MTMR1: variants seen among roughly 807,000 people sequenced by gnomAD.
MTMR1 encodes the protein myotubularin related protein 1, also known as phosphatidylinositol-3-phosphate phosphatase MTMR1.
MTMR1 carries 17 observed loss-of-function variants against 51.6 expected under a neutral mutation model. The observed-to-expected ratio is 0.33, with a 90% CI of 0.23 to 0.49. MTMR1 has a LOEUF of 0.49. Among genes scored for constraint, MTMR1 ranks in the 20% least tolerant of loss-of-function variants. The probability of loss-of-function intolerance (pLI) is 0.99; values close to 1 mark genes in which losing one functional copy is unlikely to be tolerated. For synonymous variants in MTMR1, 201 were observed against 205.6 expected, an observed-to-expected ratio of 0.98 and a Z score of 0.19; for missense variants, 386 against 526.9, an observed-to-expected ratio of 0.73 and a Z score of 2.62.
chrX:150,702,987 C>T (rs1324359316), intron 2 of MTMR1, among the ~76,000 whole-genome samples: 1 of 112,019 alleles, frequency 8.9e-6, no homozygotes, highest in Non-Finnish European at 1.9e-5. Context: ...TTTTGCTTGT[C>T]CCCCCTCCAC....
chrX:150,757,661 G>A lies in MTMR1; in HGVS notation c.1857+1796G>A, dbSNP rs188041110. Among the ~76,000 whole-genome samples the A allele has an allele frequency of 3.6e-5, 4 of 111,865 alleles. No individual in the cohort carries two copies. In the South Asian group the frequency reaches 1.1e-3, roughly 31 times the overall value. ...AGCAGATCCCCCGTGTGAATGAGCC[G>A]CCCTTTGTGTCTTCACATGTATGAA... On this transcript the variant is annotated intron_variant, in intron 15 of 15. Coordinates refer to ENST00000445323, the MANE Select transcript of MTMR1 (RefSeq NM_001306144.3).
intron 12 of MTMR1, among the ~76,000 whole-genome samples, chrX:150,743,366 A>G (rs1295669150): frequency 9.0e-6 from 1 of 111,564 alleles, no homozygotes; most frequent in Admixed American, 9.5e-5. Flanking sequence ...GTGTCACTGC[A>G]CTCCAGCCTG....
intron 1 of MTMR1, among the ~76,000 whole-genome samples, chrX:150,693,961 C>A (rs1557415656): frequency 8.9e-6 from 1 of 111,810 alleles, no homozygotes; most frequent in African/African-American, 3.3e-5. Flanking sequence ...AGCTGTCAAA[C>A]CACTTCCGGC....
intron 12 of MTMR1, among the ~76,000 whole-genome samples, chrX:150,740,718 C>A (rs782117421): frequency 6.3e-5 from 7 of 111,246 alleles, no homozygotes; most frequent in Non-Finnish European, 1.3e-4. Context: ...ATTTGGCTCA[C>A]GATTCTGCAG....
At chrX:150,707,418 G>A (rs1054395782) in intron 2 of MTMR1, among the ~76,000 whole-genome samples, 18 of 112,281 alleles carry the variant, frequency 1.6e-4, no homozygotes, top group Non-Finnish European at 3.0e-4. Context: ...ATTAGAAAAT[G>A]AGCAAAAAAC....
intron 1 of MTMR1, among the ~76,000 whole-genome samples, chrX:150,694,569 C>G (rs971163337): frequency 4.5e-5 from 5 of 112,217 alleles, no homozygotes; most frequent in African/African-American, 1.6e-4. Context: ...TCCCATTGTG[C>G]CAAACTTTTG....
At chrX:150,723,547 C>A (rs1187938344) in intron 4 of MTMR1, among the ~76,000 whole-genome samples, 4 of 111,202 alleles carry the variant, frequency 3.6e-5, no homozygotes, top group African/African-American at 1.3e-4. Flanking sequence ...GATTGCCATT[C>A]TAACTGGTGT....
chrX:150,750,945 T>C, intron 14 of MTMR1, 102 bp downstream of exon 14: 1 of 1,026,752 alleles, frequency 9.7e-7, no homozygotes, highest in African/African-American at 1.9e-5. Context: ...GACTGCGCTC[T>C]GGTGCTATTG....
chrX:150,738,798 C>T (rs1363752450), intron 12 of MTMR1, among the ~76,000 whole-genome samples: 1 of 111,717 alleles, frequency 9.0e-6, no homozygotes, highest in African/African-American at 3.3e-5. Flanking sequence ...GCTGAGCTAC[C>T]GAATGTTCAG....
intron 7 of MTMR1, 146 bp downstream of exon 7, chrX:150,730,356 C>T: frequency 7.5e-6 from 4 of 532,264 alleles, no homozygotes; most frequent in Non-Finnish European, 1.2e-5. Context: ...TGAAATTTGT[C>T]AGTTCTGGGT....
chrX:150,762,983 C>T lies in MTMR1; in HGVS notation c.*254C>T, dbSNP rs1008518016. The T allele has an allele frequency of 7.3e-5, 23 of 316,057 alleles. No individual in the cohort carries two copies. The highest frequency in any genetic ancestry group is 3.5e-4 in the African/African-American group (13 of 36,797). The allele number at this position is 316,057 out of a possible 1,213,427, so 26.0% of individuals were successfully genotyped here. ...GGCAGCTTGGGAGAAACTAAGTGAA[C>T]GGAATGCAGTACTGAGGTTCAAGAA... On this transcript the variant is annotated 3_prime_UTR_variant, in exon 16 of 16. Transcript: ENST00000445323.
intron 1 of MTMR1, among the ~76,000 whole-genome samples, chrX:150,698,620 C>T (rs113709156): frequency 1.5e-4 from 16 of 108,114 alleles, no homozygotes; most frequent in Admixed American, 9.0e-4. Flanking sequence ...GTGGGTCACT[C>T]GAGCCCAGGA....
At chrX:150,762,424 G>C (rs1252155848) in intron 15 of MTMR1, 141 bp from the exon 16 acceptor site, 10 of 764,086 alleles carry the variant, frequency 1.3e-5, no homozygotes, top group Non-Finnish European at 1.9e-5. Context: ...CCTGACGCGA[G>C]ATCGGTCAAC....
intron 13 of MTMR1, among the ~76,000 whole-genome samples, chrX:150,748,664 A>C (rs868956313): frequency 3.2e-5 from 3 of 93,865 alleles, no homozygotes; most frequent in Non-Finnish European, 4.4e-5. Context: ...CAAAAAAAAA[A>C]CAAAAAACAA....
chrX:150,760,708 G>C (rs782488224), intron 15 of MTMR1, among the ~76,000 whole-genome samples: 4 of 111,879 alleles, frequency 3.6e-5, no homozygotes, highest in Admixed American at 2.8e-4. Context: ...CAGATCACTT[G>C]AGATCAGGAG....
intron 9 of MTMR1, 147 bp downstream of exon 9, chrX:150,731,766 C>A: frequency 9.0e-6 from 4 of 444,829 alleles, no homozygotes; most frequent in Non-Finnish European, 1.4e-5. Flanking sequence ...TGATTCTCAA[C>A]AAATACCTAA....
chrX:150,742,834 A>AAAAAAAAAAAAAAAAG (rs1557417357), intron 12 of MTMR1, among the ~76,000 whole-genome samples: 4 of 101,891 alleles, frequency 3.9e-5, no homozygotes, highest in African/African-American at 1.2e-4. Flanking sequence ...AAAAAAAAAA[A>AAAAAAAAAAAAAAAAG]AAAGAAAGAA....
At chrX:150,759,673 C>T (rs193228851) in intron 15 of MTMR1, among the ~76,000 whole-genome samples, 10 of 109,589 alleles carry the variant, frequency 9.1e-5, no homozygotes, top group East Asian at 8.4e-4. Flanking sequence ...CTACAAACTG[C>T]GCGACAGATC....
At chrX:150,714,553 T>A in intron 3 of MTMR1, 1 of 963,602 alleles carries the variant, frequency 1.0e-6, no homozygotes, top group Non-Finnish European at 1.4e-6. Flanking sequence ...CGTGTTCATC[T>A]GTTTGTAGCT....
Sources: gnomAD v4.1 joint callset for allele counts (sites outside exome capture counted in the v4.1 genomes callset) on GRCh38, gnomAD v4.1.1 for gene constraint, MANE v1.5 for transcripts, NCBI Gene and HGNC (gene_info 2026-07-23, HGNC 2026-07-21) for gene names.